The following SGCD variants were observed in gnomAD, a reference collection of about 807,000 sequenced individuals.
SGCD encodes sarcoglycan delta, also known as delta-sarcoglycan.
A neutral mutation model predicts 36.6 loss-of-function variants in SGCD; 18 were observed. That is an observed-to-expected ratio of 0.49 (90% CI 0.34 to 0.73). SGCD has a LOEUF of 0.73. Among genes scored for constraint, SGCD ranks in the 30% least tolerant of loss-of-function variants. The probability of loss-of-function intolerance (pLI) is 0.01; values close to 1 mark genes in which losing one functional copy is unlikely to be tolerated. For synonymous variants in SGCD, 133 were observed against 130.6 expected, an observed-to-expected ratio of 1.02 and a Z score of -0.12; for missense variants, 387 against 346.7, an observed-to-expected ratio of 1.12 and a Z score of -0.92.
chr5:156,195,092 C>A (rs1763990791), intron 3 of SGCD, among the ~76,000 whole-genome samples: 2 of 152,194 alleles, frequency 1.3e-5, no homozygotes, highest in Middle Eastern at 6.8e-3. Context: ...GTATTTATTT[C>A]TCTAACAATG....
chr5:155,808,199 G>A, the SGCD span, among the ~76,000 whole-genome samples: 9 of 152,262 alleles, frequency 5.9e-5, no homozygotes, highest in East Asian at 3.9e-4. Flanking sequence ...AACAGTTGGC[G>A]TCTTGATTTT....
intron 1 of SGCD, among the ~76,000 whole-genome samples, chr5:155,881,670 A>G (rs574880821): frequency 6.6e-6 from 1 of 152,342 alleles, no homozygotes; most frequent in African/African-American, 2.4e-5. Context: ...AGATTTCTCC[A>G]TAGCATGCCA....
chr5:156,198,916 A>C (rs1764081947), intron 3 of SGCD, among the ~76,000 whole-genome samples: 1 of 152,010 alleles, frequency 6.6e-6, no homozygotes, highest in Admixed American at 6.6e-5. Context: ...GGTTGGATTC[A>C]AACTCATGGG....
intron 3 of SGCD, among the ~76,000 whole-genome samples, chr5:156,255,747 C>T (rs1363774870): frequency 6.6e-6 from 1 of 152,006 alleles, no homozygotes; most frequent in Non-Finnish European, 1.5e-5. Flanking sequence ...AACCTTCTGT[C>T]CTTTCTTGAT....
At chr5:156,549,178 T>C (rs188151488) in intron 4 of SGCD, among the ~76,000 whole-genome samples, 40 of 152,160 alleles carry the variant, frequency 2.6e-4, no homozygotes, top group African/African-American at 8.9e-4. Context: ...TTAAATATGA[T>C]ATTACCTTGC....
chr5:155,900,514 G>C, intron 1 of SGCD, among the ~76,000 whole-genome samples: 2 of 151,500 alleles, frequency 1.3e-5, no homozygotes, highest in Non-Finnish European at 2.9e-5. Context: ...ATGCTGGTGC[G>C]CTGCACCCAC....
chr5:156,153,566 A>G (rs773996464), intron 3 of SGCD, among the ~76,000 whole-genome samples: 5 of 151,660 alleles, frequency 3.3e-5, no homozygotes, highest in Non-Finnish European at 5.9e-5. Flanking sequence ...AGAGCAGCCT[A>G]GTGGACTACC....
At chr5:156,697,949 G>C (rs1037897087) in intron 7 of SGCD, among the ~76,000 whole-genome samples, 2 of 152,152 alleles carry the variant, frequency 1.3e-5, no homozygotes, top group African/African-American at 2.4e-5. Context: ...AAAGAGGGGA[G>C]GAAGTCACAA....
chr5:156,627,326 A>G (rs1762474482), intron 6 of SGCD, among the ~76,000 whole-genome samples: 1 of 152,130 alleles, frequency 6.6e-6, no homozygotes, highest in African/African-American at 2.4e-5. Flanking sequence ...GCCTTGGGGT[A>G]GGGTTTTTTG....
chr5:155,992,520 T>C (rs1262640019), intron 1 of SGCD, among the ~76,000 whole-genome samples: 1 of 152,170 alleles, frequency 6.6e-6, no homozygotes, highest in Non-Finnish European at 1.5e-5. Context: ...TGAGCACTAA[T>C]TGGTGAAAAT....
chr5:155,912,482 G>A (rs529942332), intron 1 of SGCD, among the ~76,000 whole-genome samples: 25 of 152,170 alleles, frequency 1.6e-4, no homozygotes, highest in African/African-American at 5.5e-4. Context: ...AATGGCATTC[G>A]AAACTAGTCT....
chr5:156,350,287 A>G (rs907746366), intron 3 of SGCD, among the ~76,000 whole-genome samples: 10 of 146,502 alleles, frequency 6.8e-5, no homozygotes, highest in African/African-American at 2.5e-4. Context: ...ATATACCCAC[A>G]CATTTATGTA....
intron 1 of SGCD, among the ~76,000 whole-genome samples, chr5:156,039,387 A>G (rs952327927): frequency 2.8e-5 from 4 of 144,956 alleles, no homozygotes; most frequent in African/African-American, 8.6e-5. Context: ...CAGCATCCTG[A>G]ATCAAAATTA....
At chr5:156,486,093 TC>T in intron 3 of SGCD, among the ~76,000 whole-genome samples, 1 of 151,998 alleles carries the variant, frequency 6.6e-6, no homozygotes, top group Non-Finnish European at 1.5e-5. Context: ...CATTTTGAGA[TC>T]CCAGCTCTCA....
chr5:155,848,898 C>A, the SGCD span, among the ~76,000 whole-genome samples: 190 of 152,214 alleles, frequency 1.2e-3, no homozygotes, highest in African/African-American at 4.4e-3. Flanking sequence ...AAAATATATT[C>A]GGTAAATAAT....
chr5:155,863,679 T>A, the SGCD span, among the ~76,000 whole-genome samples: 7 of 147,506 alleles, frequency 4.7e-5, no homozygotes, highest in East Asian at 1.4e-3. Context: ...GGTACTGAAA[T>A]GTACTCTCCA....
the SGCD span, among the ~76,000 whole-genome samples, chr5:155,810,191 T>G: frequency 1.3e-5 from 2 of 152,346 alleles, no homozygotes; most frequent in Non-Finnish European, 2.9e-5. Context: ...GCCATTATAC[T>G]TTTTAATTTT....
chr5:156,644,346 G>A (rs1247011747), intron 6 of SGCD, among the ~76,000 whole-genome samples: 1 of 152,036 alleles, frequency 6.6e-6, no homozygotes, highest in Non-Finnish European at 1.5e-5. Context: ...ATAGTTTTAG[G>A]TAATTAGTCA....
intron 1 of SGCD, among the ~76,000 whole-genome samples, chr5:156,044,797 T>C (rs575465448): frequency 6.6e-6 from 1 of 152,280 alleles, no homozygotes; most frequent in African/African-American, 2.4e-5. Context: ...ATAACATTTC[T>C]ACCACTGAAA....
Sources: allele counts gnomAD v4.1 joint callset (sites outside exome capture counted in the v4.1 genomes callset), GRCh38; gene constraint gnomAD v4.1.1; transcripts MANE v1.5; gene names NCBI Gene and HGNC (gene_info 2026-07-23, HGNC 2026-07-21).